The following ZNF831 variants were observed in gnomAD, a reference collection of about 807,000 sequenced individuals.
ZNF831 encodes zinc finger protein 831.
A neutral mutation model predicts 95.8 loss-of-function variants in ZNF831; 59 were observed. That is an observed-to-expected ratio of 0.62 (90% CI 0.50 to 0.77). The LOEUF is 0.77. ZNF831 is among the 30% of genes least tolerant of loss of function. ZNF831 has a pLI of 0.00. For missense variants in ZNF831, 2,205 were observed against 2,164.0 expected (o/e 1.02, Z -0.38); for synonymous variants, 961 against 925.5 (o/e 1.04, Z -0.70).
At chr20:59,229,372 C>T (rs1451390070) in intron 4 of ZNF831, among the ~76,000 whole-genome samples, 1 of 152,172 alleles carries the variant, frequency 6.6e-6, no homozygotes, top group East Asian at 1.9e-4. Flanking sequence ...CATGGCATCA[C>T]CTCTGTTGCA....
At chr20:59,216,832 T>C (rs1985712397) in intron 4 of ZNF831, among the ~76,000 whole-genome samples, 1 of 151,986 alleles carries the variant, frequency 6.6e-6, no homozygotes, top group African/African-American at 2.4e-5. Flanking sequence ...GATAATCCCA[T>C]TTAGGTTTTC....
intron 4 of ZNF831, among the ~76,000 whole-genome samples, chr20:59,236,962 C>T (rs928385326): frequency 6.6e-6 from 1 of 152,108 alleles, no homozygotes; most frequent in African/African-American, 2.4e-5. Flanking sequence ...CCTGCAATTA[C>T]TGGAGTGTGG....
chr20:59,145,962 G>T (rs1216304587), intron 1 of ZNF831, among the ~76,000 whole-genome samples: 1 of 151,922 alleles, frequency 6.6e-6, no homozygotes, highest in African/African-American at 2.4e-5. Context: ...CATTTGTACC[G>T]GATGGTTTTG....
At chr20:59,179,819 C>T (rs1439324729) in intron 1 of ZNF831, among the ~76,000 whole-genome samples, 1 of 152,094 alleles carries the variant, frequency 6.6e-6, no homozygotes, top group Non-Finnish European at 1.5e-5. Flanking sequence ...CAAATAAGGT[C>T]CCAATCGCAG....
intron 1 of ZNF831, among the ~76,000 whole-genome samples, chr20:59,175,454 C>CTGT (rs1290538638): frequency 1.3e-5 from 2 of 151,768 alleles, no homozygotes; most frequent in African/African-American, 4.8e-5. Flanking sequence ...TGTTTTCTCT[C>CTGT]TGTTGCTCAG....
intron 2 of ZNF831, chr20:59,146,748 T>TC (rs1406235237): frequency 1.3e-5 from 2 of 152,190 alleles, no homozygotes; most frequent in African/African-American, 2.4e-5. Context: ...GAAATGGTCC[T>TC]CCATCCAAGG....
chr20:59,239,957 C>A (rs1239335541), intron 4 of ZNF831, among the ~76,000 whole-genome samples: 1 of 152,222 alleles, frequency 6.6e-6, no homozygotes, highest in Non-Finnish European at 1.5e-5. Context: ...AGGTAGACAG[C>A]CCTGTGCTAT....
At chr20:59,233,388 A>G (rs760055082) in intron 4 of ZNF831, among the ~76,000 whole-genome samples, 3 of 152,120 alleles carry the variant, frequency 2.0e-5, no homozygotes, top group Non-Finnish European at 4.4e-5. Context: ...GGTGGGGGAA[A>G]AAATCTGAGT....
rs762875466 is a variant in ZNF831 at position 59,194,571 on chromosome 20, G to A, written c.3552G>A (p.Thr1184=). 8.1e-5 allele frequency: 131 copies of A among 1,608,100 alleles called. No homozygotes were observed. Among genetic ancestry groups the A allele is most frequent in the Admixed American group, 1.2e-4 (7 of 59,484 alleles). ...CACTGAAGGCTGAGCCGCGGCTCAC[G>A]TGGTGTTGCCTGAGCCGCAGTGTCC... ...FPSLKAEPRL[T]WCCLSRSVPL... The change falls in exon 2 of 6, where the codon ACG becomes ACA. Residue 1184 remains threonine (T), a synonymous_variant. Coordinates refer to ENST00000371030, the MANE Select transcript of ZNF831 (RefSeq NM_178457.3).
At position 59,254,215 on chromosome 20, in the gene ZNF831, T is replaced by C; in HGVS notation, c.4506T>C (p.Asp1502=). The C allele has an allele frequency of 6.2e-7, 1 of 1,613,950 alleles. No individual in the cohort carries two copies. The highest frequency in any genetic ancestry group is 1.3e-5 in the African/African-American group (1 of 74,950). The change falls in exon 6 of 6, where the codon GAT becomes GAC. Residue 1502 remains aspartate (D), a synonymous_variant. Coordinates refer to ENST00000371030, the MANE Select transcript of ZNF831 (RefSeq NM_178457.3). This position sits in a 1 kb window ranked among gnomAD's most constrained non-coding sequence, Gnocchi z 4.5. ...GTATTTCTCTGCCAGTGAGAACAGA[T>C]CACATAGCCCAGGAAATTCACAGTG... ...AVCISLPVRT[D]HIAQEIHSAE... is the part of the protein sequence containing the mutation.
At chr20:59,124,787 C>A (rs925314377) in intron 1 of ZNF831, among the ~76,000 whole-genome samples, 3 of 152,224 alleles carry the variant, frequency 2.0e-5, no homozygotes, top group African/African-American at 7.2e-5. Context: ...TGGCTCTTAT[C>A]GCAGTGGGCT....
chr20:59,223,351 C>T (rs1986222210), intron 4 of ZNF831, among the ~76,000 whole-genome samples: 1 of 152,180 alleles, frequency 6.6e-6, no homozygotes, highest in Non-Finnish European at 1.5e-5. Context: ...CAAGTGTGTG[C>T]GATGGTTCCT....
chr20:59,221,250 T>C (rs1986052798), intron 4 of ZNF831, among the ~76,000 whole-genome samples: 1 of 152,148 alleles, frequency 6.6e-6, no homozygotes, highest in Non-Finnish European at 1.5e-5. Context: ...AGCAGGGAGC[T>C]CGTAGGGATT....
intron 4 of ZNF831, among the ~76,000 whole-genome samples, chr20:59,229,959 G>A (rs1986636056): frequency 6.6e-6 from 1 of 152,094 alleles, no homozygotes; most frequent in African/African-American, 2.4e-5. Flanking sequence ...TTCTAGAGGG[G>A]CACTAAACAT....
rs1379961560 is a variant in ZNF831 at position 59,196,160 on chromosome 20, G to A, written c.3875+155G>A. Reference sequence around the variant, plus strand: ...GGACTGAATTTGTTTCCCACCCCTTGCAACTCACCGCCTGTGTATTTTTTG... The same window carrying A: ...GGACTGAATTTGTTTCCCACCCCTTACAACTCACCGCCTGTGTATTTTTTG... On this transcript the variant is annotated intron_variant, in intron 3 of 5. Coordinates refer to ENST00000371030, the MANE Select transcript of ZNF831 (RefSeq NM_178457.3). Among the ~76,000 whole-genome samples the A allele has an allele frequency of 3.3e-5, 5 of 152,298 alleles. No homozygotes were observed. The East Asian group carries it at 9.6e-4, about 29-fold the overall frequency.
chr20:59,240,015 G>C (rs567827453), intron 4 of ZNF831, among the ~76,000 whole-genome samples: 1 of 152,052 alleles, frequency 6.6e-6, no homozygotes, highest in African/African-American at 2.4e-5. Flanking sequence ...ACCACCCCCA[G>C]GGGAGGATTC....
chr20:59,176,871 C>T (rs1982207390), intron 1 of ZNF831, among the ~76,000 whole-genome samples: 1 of 152,218 alleles, frequency 6.6e-6, no homozygotes, highest in African/African-American at 2.4e-5. Context: ...TTCATTATTT[C>T]ACATCCTAAA....
intron 1 of ZNF831, among the ~76,000 whole-genome samples, chr20:59,125,202 A>G (rs1979133633): frequency 6.6e-6 from 1 of 152,208 alleles, no homozygotes; most frequent in Non-Finnish European, 1.5e-5. Flanking sequence ...GGGAGATATT[A>G]ATAGAAAGGA....
chr20:59,191,478 C>T lies in ZNF831; in HGVS notation c.459C>T (p.Cys153=), dbSNP rs1983518898. ...TGTGTCCGCACTGTGGTCGCGACTG[C>T]CTGAAGCCCAGTGTTCTAGAGAAGC... ...KYLCPHCGRD[C]LKPSVLEKHI... The change falls in exon 2 of 6, where the codon TGC becomes TGT. Residue 153 remains cysteine, a synonymous_variant. Transcript: ENST00000371030. 6.2e-7 allele frequency: 1 copy of T among 1,613,086 alleles called. No individual in the cohort carries two copies. The highest frequency in any genetic ancestry group is 8.5e-7 in the Non-Finnish European group (1 of 1,180,006).
Sources: allele counts gnomAD v4.1 joint callset (sites outside exome capture counted in the v4.1 genomes callset), GRCh38; gene constraint gnomAD v4.1.1; non-coding constraint Gnocchi (gnomAD v3.1); transcripts MANE v1.5; gene names NCBI Gene and HGNC (gene_info 2026-07-23, HGNC 2026-07-21).